Variants in MTX2 observed in about 807,000 individuals in gnomAD.
MTX2 encodes the protein metaxin 2.
A neutral mutation model predicts 42.3 loss-of-function variants in MTX2; 35 were observed. The observed-to-expected ratio is 0.83, with a 90% CI of 0.63 to 1.10. MTX2 has a LOEUF of 1.10. Ranked by LOEUF, MTX2 falls within the 50% of genes least tolerant of loss-of-function variation. The pLI, the probability that MTX2 is intolerant of heterozygous loss-of-function variation, is 0.00. For missense variants in MTX2, 307 were observed against 304.1 expected, an observed-to-expected ratio of 1.01 and a Z score of -0.07; for synonymous variants, 119 against 100.9, an observed-to-expected ratio of 1.18 and a Z score of -1.08.
intron 7 of MTX2, among the ~76,000 whole-genome samples, 158 bp downstream of exon 7, chr2:176,329,070 G>A (rs1195583357): frequency 6.6e-6 from 1 of 151,204 alleles, no homozygotes; most frequent in African/African-American, 2.4e-5. Flanking sequence ...TAACATTTTA[G>A]GGAAGCTATG....
intron 3 of MTX2, among the ~76,000 whole-genome samples, chr2:176,321,950 G>A (rs1684593516): frequency 1.3e-5 from 2 of 151,724 alleles, no homozygotes; most frequent in Non-Finnish European, 2.9e-5. Flanking sequence ...TGAATTGTGG[G>A]AAAATGAGGG....
intron 3 of MTX2, among the ~76,000 whole-genome samples, chr2:176,300,110 G>GTATT (rs1683985694): frequency 6.6e-6 from 1 of 150,946 alleles, no homozygotes; most frequent in Admixed American, 6.6e-5. Flanking sequence ...TATATATGCA[G>GTATT]TATTATACAC....
At chr2:176,331,327 T>C (rs1684858431) in intron 9 of MTX2, among the ~76,000 whole-genome samples, 2 of 151,122 alleles carry the variant, frequency 1.3e-5, no homozygotes, top group Admixed American at 6.6e-5. Flanking sequence ...AGCTGTCCTG[T>C]GATCCAGTGT....
intron 3 of MTX2, among the ~76,000 whole-genome samples, chr2:176,312,863 C>CAAAAAAAAAA (rs557475003): frequency 7.1e-5 from 4 of 56,022 alleles, no homozygotes; most frequent in African/African-American, 1.7e-4. Flanking sequence ...AATGCCATCT[C>CAAAAAAAAAA]AAAAAAAAAA....
In MTX2 at chr2:176,269,609, G is replaced by C. The variant is rs150206716; in HGVS notation, c.-21G>C. 2.5e-6 allele frequency: 4 copies of C among 1,576,876 alleles called. No homozygotes were observed. In the South Asian group the frequency reaches 3.5e-5, roughly 14 times the overall value. ...AGGCCCGTGGGGGGCAGGCACCCGG[G>C]CGCCGGGCCTCCCAGCCGACATGTC... On this transcript the variant is annotated 5_prime_UTR_variant, in exon 1 of 10. Coordinates refer to ENST00000249442, the MANE Select transcript of MTX2 (RefSeq NM_006554.5).
At chr2:176,295,445 A>G (rs1326459999) in intron 1 of MTX2, among the ~76,000 whole-genome samples, 1 of 152,132 alleles carries the variant, frequency 6.6e-6, no homozygotes, top group East Asian at 1.9e-4. Flanking sequence ...TTGAAATTTT[A>G]CTTTGTTAAA....
chr2:176,296,744 TCAACCTTAG>T, intron 1 of MTX2, 107 bp from the exon 2 acceptor site: 3 of 1,033,814 alleles, frequency 2.9e-6, no homozygotes, highest in Non-Finnish European at 4.5e-6. Context: ...CATGTATAAG[TCAACCTTAG>T]CAAATGACTT....
At chr2:176,293,746 G>A (rs944693598) in intron 1 of MTX2, among the ~76,000 whole-genome samples, 4 of 152,118 alleles carry the variant, frequency 2.6e-5, no homozygotes, top group African/African-American at 7.2e-5. Context: ...CTTCTTTTCT[G>A]TATAAATTAC....
rs531803436 is a variant in MTX2 at position 176,328,404 on chromosome 2, C to T, written c.378+19C>T. On this transcript the variant is annotated intron_variant, in intron 6 of 9. Coordinates refer to ENST00000249442, the MANE Select transcript of MTX2 (RefSeq NM_006554.5). ...TGCAGAGGTAAAATACTAGATGATACGGCTTGAAAATAAGCTTTTTCTCTC... is the reference window on the plus strand; with the variant it reads ...TGCAGAGGTAAAATACTAGATGATATGGCTTGAAAATAAGCTTTTTCTCTC... 1.9e-5 allele frequency: 27 copies of T among 1,427,058 alleles called. No individual in the cohort carries two copies. The highest frequency in any genetic ancestry group is 1.9e-4 in the Middle Eastern group (1 of 5,212). 88.4% of individuals were successfully genotyped at this position (1,427,058 alleles called of 1,614,324 possible).
intron 4 of MTX2, 76 bp downstream of exon 4, chr2:176,323,540 CAT>C: frequency 7.5e-7 from 1 of 1,342,136 alleles, no homozygotes; most frequent in Non-Finnish European, 1.0e-6. Flanking sequence ...TTTGTATCTA[CAT>C]GTTAAAATGC....
chr2:176,323,496 A>AT (rs1229164924), intron 4 of MTX2, 32 bp downstream of exon 4: 1 of 1,557,908 alleles, frequency 6.4e-7, no homozygotes, highest in Non-Finnish European at 8.8e-7. Flanking sequence ...CTCTGTTAAT[A>AT]TTATGGAGTG....
At chr2:176,297,737 A>G (rs1186722010) in intron 2 of MTX2, 112 bp from the exon 3 acceptor site, 2 of 496,070 alleles carry the variant, frequency 4.0e-6, no homozygotes, top group Non-Finnish European at 6.8e-6. Flanking sequence ...ATTGATATAA[A>G]ACTTTAGAAT....
In MTX2 at chr2:176,270,449, T is replaced by G. The variant is rs150756636; in HGVS notation, c.40+780T>G. Reference sequence around the variant, plus strand: ...GTAATTTCTCTTATTGAGGTTTTTATTTATTGTAATGAAAGAAATTAAATA... The same window carrying G: ...GTAATTTCTCTTATTGAGGTTTTTAGTTATTGTAATGAAAGAAATTAAATA... On this transcript the variant is annotated intron_variant, in intron 1 of 9. Coordinates refer to ENST00000249442, the MANE Select transcript of MTX2 (RefSeq NM_006554.5). The G allele has an allele frequency of 6.1e-6, 8 of 1,311,942 alleles. No homozygotes were observed. In the African/African-American group the frequency reaches 1.1e-4, roughly 17 times the overall value. The allele number at this position is 1,311,942 out of a possible 1,614,324, so 81.3% of individuals were successfully genotyped here.
At chr2:176,299,562 A>G (rs1009413850) in intron 3 of MTX2, among the ~76,000 whole-genome samples, 1 of 152,130 alleles carries the variant, frequency 6.6e-6, no homozygotes, top group African/African-American at 2.4e-5. Flanking sequence ...TTTATCCTAC[A>G]TATGTCACTT....
chr2:176,309,942 T>G (rs1335896166), intron 3 of MTX2, among the ~76,000 whole-genome samples: 1 of 152,186 alleles, frequency 6.6e-6, no homozygotes, highest in Non-Finnish European at 1.5e-5. Context: ...TTTGATCCTG[T>G]CATTATGATA....
intron 1 of MTX2, among the ~76,000 whole-genome samples, chr2:176,270,974 T>C (rs1166823637): frequency 6.6e-6 from 1 of 152,116 alleles, no homozygotes; most frequent in Admixed American, 6.5e-5. Context: ...TGCTACTATG[T>C]TGAAAAAAAA....
chr2:176,332,515 C>G (rs930979176), intron 9 of MTX2, among the ~76,000 whole-genome samples: 1 of 151,194 alleles, frequency 6.6e-6, no homozygotes, highest in Non-Finnish European at 1.5e-5. Flanking sequence ...AGAATTAATC[C>G]CCTAAAATTA....
intron 3 of MTX2, among the ~76,000 whole-genome samples, chr2:176,317,010 G>A (rs1575055118): frequency 7.5e-6 from 1 of 133,268 alleles, no homozygotes; most frequent in African/African-American, 2.7e-5. Flanking sequence ...TATAAATTGT[G>A]TTTTGGATTT....
At chr2:176,289,710 T>G (rs1189866935) in intron 1 of MTX2, among the ~76,000 whole-genome samples, 1 of 152,104 alleles carries the variant, frequency 6.6e-6, no homozygotes, top group Non-Finnish European at 1.5e-5. Flanking sequence ...AGTAAGTTAT[T>G]GCTTTGGTAT....
Sources: gnomAD v4.1 joint callset for allele counts (sites outside exome capture counted in the v4.1 genomes callset) on GRCh38, gnomAD v4.1.1 for gene constraint, MANE v1.5 for transcripts, NCBI Gene and HGNC (gene_info 2026-07-23, HGNC 2026-07-21) for gene names.